WDR64: variants seen among roughly 807,000 people sequenced by gnomAD.
WDR64 encodes WD repeat-containing protein 64.
Under a neutral mutation model 139.3 loss-of-function variants are expected in WDR64, and 112 were observed. The ratio of observed to expected loss-of-function variants is 0.80; its 90% confidence interval spans 0.69 to 0.94. The LOEUF (loss-of-function observed/expected upper bound fraction) is 0.94, where lower values mean the gene tolerates loss of function less well. WDR64 is among the 40% of genes least tolerant of loss of function. The probability of loss-of-function intolerance (pLI) is 0.00; values close to 1 mark genes in which losing one functional copy is unlikely to be tolerated. For synonymous variants in WDR64, 444 were observed against 437.7 expected (o/e 1.01, Z -0.18); for missense variants, 1,206 against 1,293.1 (o/e 0.93, Z 1.03).
intron 2 of WDR64, among the ~76,000 whole-genome samples, chr1:241,664,000 G>C (rs1336287048): frequency 1.3e-5 from 2 of 152,130 alleles, no homozygotes; most frequent in African/African-American, 4.8e-5. Flanking sequence ...TTTAACAAGA[G>C]CTCTTAGCCA....
intron 25 of WDR64, among the ~76,000 whole-genome samples, chr1:241,791,501 T>C (rs1659214315): frequency 6.6e-6 from 1 of 152,092 alleles, no homozygotes; most frequent in Non-Finnish European, 1.5e-5. Flanking sequence ...ACTATGTCTC[T>C]ATTAAAAAAT....
intron 14 of WDR64, among the ~76,000 whole-genome samples, chr1:241,756,088 A>G (rs1368642333): frequency 6.6e-6 from 1 of 152,166 alleles, no homozygotes; most frequent in Non-Finnish European, 1.5e-5. Flanking sequence ...GTTGTTTCTA[A>G]TTCTGTGAAG....
chr1:241,720,661 A>G (rs895443436), intron 9 of WDR64, among the ~76,000 whole-genome samples: 4 of 151,876 alleles, frequency 2.6e-5, no homozygotes, highest in Non-Finnish European at 4.4e-5. Flanking sequence ...TTTTTGTTCT[A>G]GTAAATTTGT....
At position 241,723,345 on chromosome 1, in the gene WDR64, C is replaced by T; in HGVS notation, c.1103C>T (p.Pro368Leu). The change falls in exon 10 of 28, where the codon CCA becomes CTA. Residue 368 changes from proline (P) to leucine (L), a missense_variant. Pro to Leu is a moderately conservative substitution (Grantham distance 98). Transcript: ENST00000437684. ...RLWHPNISTK[P>L]VGKLVGHMFS... ...TGGCACCCCAATATCAGCACCAAGC[C>T]AGTAGGGAAACTTGTAGGACACATG... is the stretch of plus-strand genomic sequence containing the variant. The T allele has an allele frequency of 1.2e-6, 2 of 1,613,860 alleles. No homozygotes were observed. Among genetic ancestry groups the T allele is most frequent in the East Asian group, 4.5e-5 (2 of 44,862 alleles).
intron 4 of WDR64, among the ~76,000 whole-genome samples, chr1:241,677,721 T>G (rs1332735597): frequency 6.6e-6 from 1 of 152,210 alleles, no homozygotes; most frequent in Admixed American, 6.5e-5. Context: ...GGTAAAATGT[T>G]CTTTTAAGTC....
chr1:241,727,551 T>C (rs1224846849), intron 10 of WDR64, among the ~76,000 whole-genome samples: 1 of 152,206 alleles, frequency 6.6e-6, no homozygotes, highest in African/African-American at 2.4e-5. Flanking sequence ...ATTTGGTTAT[T>C]TAACAAATAC....
At chr1:241,765,493 G>A (rs1658116910) in intron 15 of WDR64, among the ~76,000 whole-genome samples, 1 of 152,152 alleles carries the variant, frequency 6.6e-6, no homozygotes, top group African/African-American at 2.4e-5. Context: ...CAGAGACACA[G>A]CAAAACCAGC....
intron 10 of WDR64, among the ~76,000 whole-genome samples, chr1:241,728,766 A>G (rs1668955235): frequency 6.6e-6 from 1 of 152,118 alleles, no homozygotes; most frequent in African/African-American, 2.4e-5. Context: ...AATGGGAGCA[A>G]TGGTTGGAAA....
chr1:241,696,503 C>T (rs913840822), intron 8 of WDR64, among the ~76,000 whole-genome samples: 1 of 152,132 alleles, frequency 6.6e-6, no homozygotes, highest in Admixed American at 6.5e-5. Flanking sequence ...ACTGAATACA[C>T]GTATAGTTAC....
At position 241,723,432 on chromosome 1, in the gene WDR64, C is replaced by A. The variant is rs568273380; in HGVS notation, c.1190C>A (p.Ala397Glu). The A allele has an allele frequency of 1.4e-5, 22 of 1,612,674 alleles. No individual in the cohort carries two copies. In the Admixed American group the frequency reaches 2.7e-4, roughly 20 times the overall value. ...CAACATGTCGTCAGCCTTTCCTCTG[C>A]AAAGGTAACAAAAAGAAAATAACAA... Reference protein sequence around the residue: ...KDQHVVSLSSAKVFRVWDIQT... With the variant: ...KDQHVVSLSSEKVFRVWDIQT... The change falls in exon 10 of 28, where the codon GCA becomes GAA. Residue 397 changes from alanine (A) to glutamate (E), a missense_variant. Coordinates refer to ENST00000437684, the MANE Select transcript of WDR64 (RefSeq NM_001367482.1).
chr1:241,791,221 G>A (rs1041244810), intron 25 of WDR64, among the ~76,000 whole-genome samples: 16 of 152,200 alleles, frequency 1.1e-4, no homozygotes, highest in Admixed American at 1.3e-4. Context: ...AGGAGGCAGG[G>A]GTTGCAGTGA....
intron 6 of WDR64, 130 bp from the exon 7 acceptor site, chr1:241,683,357 A>G: frequency 1.2e-6 from 1 of 827,472 alleles, no homozygotes; most frequent in Non-Finnish European, 1.8e-6. Context: ...TTTTTTCTCA[A>G]ATTATCTTAT....
intron 2 of WDR64, among the ~76,000 whole-genome samples, 196 bp from the exon 3 acceptor site, chr1:241,670,878 C>T (rs1381068592): frequency 6.6e-6 from 1 of 152,208 alleles, no homozygotes; most frequent in African/African-American, 2.4e-5. Context: ...TTCCATGAAA[C>T]TGGTGCCTGG....
At chr1:241,758,582 C>T (rs1670300314) in intron 15 of WDR64, among the ~76,000 whole-genome samples, 1 of 152,124 alleles carries the variant, frequency 6.6e-6, no homozygotes, top group Non-Finnish European at 1.5e-5. Context: ...ATTTTGTTTA[C>T]TTAATATCAT....
intron 3 of WDR64, among the ~76,000 whole-genome samples, chr1:241,674,256 C>CTTTTTTTTTTTTTTTTTTTTTTTTTTTTT (rs544401027): frequency 8.2e-6 from 1 of 121,350 alleles, no homozygotes. Flanking sequence ...CTTTTTTTTT[C>CTTTTTTTTTTTTTTTTTTTTTTTTTTTTT]TTTTCTTTTT....
At chr1:241,709,646 A>G (rs922569546) in intron 8 of WDR64, among the ~76,000 whole-genome samples, 2 of 152,184 alleles carry the variant, frequency 1.3e-5, no homozygotes, top group Non-Finnish European at 2.9e-5. Context: ...AGGCTTTGTG[A>G]GCCCCAGTTT....
intron 20 of WDR64, among the ~76,000 whole-genome samples, chr1:241,773,588 C>A (rs1658541644): frequency 6.6e-6 from 1 of 152,130 alleles, no homozygotes; most frequent in South Asian, 2.1e-4. Context: ...TCTGCCTCGG[C>A]CTTCGAGTAG....
chr1:241,746,834 A>G (rs1669779083), intron 13 of WDR64, among the ~76,000 whole-genome samples: 1 of 149,572 alleles, frequency 6.7e-6, no homozygotes, highest in Admixed American at 6.7e-5. Flanking sequence ...GTCTCGGCTC[A>G]CTGCAACCTC....
At chr1:241,781,634 C>CA (rs1658848395) in intron 22 of WDR64, among the ~76,000 whole-genome samples, 1 of 152,212 alleles carries the variant, frequency 6.6e-6, no homozygotes, top group South Asian at 2.1e-4. Flanking sequence ...AGAGACCACA[C>CA]ATATAATTAC....
Sources: gnomAD v4.1 joint callset for allele counts (sites outside exome capture counted in the v4.1 genomes callset) on GRCh38, gnomAD v4.1.1 for gene constraint, MANE v1.5 for transcripts, NCBI Gene and HGNC (gene_info 2026-07-23, HGNC 2026-07-21) for gene names.